The following VSIG10L variants were observed in gnomAD, a reference collection of about 807,000 sequenced individuals.
VSIG10L encodes the protein V-set and immunoglobulin domain containing 10 like, also known as V-set and immunoglobulin domain-containing protein 10-like.
In VSIG10L, 63 loss-of-function variants were observed where a neutral mutation model predicts 67.3. That is an observed-to-expected ratio of 0.94 (90% confidence interval 0.76 to 1.15). VSIG10L has a LOEUF of 1.15. Among genes scored for constraint, VSIG10L ranks in the 50% most tolerant of loss-of-function variants. VSIG10L has a pLI of 0.00. For synonymous variants in VSIG10L, 499 were observed against 524.9 expected, an observed-to-expected ratio of 0.95 and a Z score of 0.67; for missense variants, 1,050 against 1,177.5, an observed-to-expected ratio of 0.89 and a Z score of 1.58.
chr19:51,340,263 TCCGAGGAGA>T lies in VSIG10L; in HGVS notation c.1217_1225del (p.Val406_Ser408del), dbSNP rs1387863744. ...AAAGCGGGCAGGCGCGGCGTCGCGG[TCCGAGGAGA>T]CCGTGATGGTCGGCGGGTCCGGGCC... On this transcript the variant is annotated inframe_deletion, in exon 4 of 10. Transcript: ENST00000335624. The surrounding 1 kb of genome is among the most constrained non-coding windows in gnomAD (Gnocchi z 6.3). 9.9e-6 allele frequency: 15 copies of T among 1,517,284 alleles called. No homozygotes were observed. Among genetic ancestry groups the T allele is most frequent in the Non-Finnish European group, 5.3e-6 (6 of 1,139,776 alleles). 94.0% of individuals were successfully genotyped at this position (1,517,284 alleles called of 1,614,324 possible).
At position 51,341,499 on chromosome 19, in the gene VSIG10L, T is replaced by G. The variant is rs181804034; in HGVS notation, c.549A>C (p.Ala183=). 1 of 1,550,914 alleles carries G rather than the reference T, an allele frequency of 6.4e-7. No homozygotes were observed. The highest frequency in any genetic ancestry group is 2.0e-5 in the Admixed American group (1 of 50,794). The part of the protein sequence containing the change: ...SAQSPESKFS[A]ETHSAASFPQ... ...GAAAGCTTGCAGCTGAGTGGGTCTCTGCAGAAAATTTGGATTCAGGGCTCT... is the reference window on the plus strand; with the variant it reads ...GAAAGCTTGCAGCTGAGTGGGTCTCGGCAGAAAATTTGGATTCAGGGCTCT... Residue 183 remains alanine (A), a synonymous_variant, in exon 2 of 10, where the codon GCA becomes GCC. Coordinates refer to ENST00000335624, the MANE Select transcript of VSIG10L (RefSeq NM_001163922.3).
chr19:51,333,748 T>A (rs1985410688), intron 9 of VSIG10L, 43 bp downstream of exon 9: 1 of 1,500,014 alleles, frequency 6.7e-7, no homozygotes, highest in Non-Finnish European at 8.9e-7. Context: ...ATACAAGAAG[T>A]TCCGCCCCGA....
chr19:51,338,097 G>GTT lies in VSIG10L; in HGVS notation c.1840_1841insAA (p.Ala614GlufsTer75). ...TGGAGCCAGGGGCCTCCCTTCCCGG[G>GTT]CCCAGGATGCCCGTGAGGGTGGGGG... is the stretch of plus-strand genomic sequence containing the variant. On this transcript the variant is annotated frameshift_variant, in exon 6 of 10. Transcript: ENST00000335624. LOFTEE classifies it high-confidence loss of function. The GTT allele has an allele frequency of 6.4e-7, 1 of 1,551,002 alleles. No homozygotes were observed. The highest frequency in any genetic ancestry group is 8.7e-7 in the Non-Finnish European group (1 of 1,146,742).
chr19:51,338,279 C>T (rs1410813421), intron 5 of VSIG10L, 71 bp from the exon 6 acceptor site: 14 of 1,422,648 alleles, frequency 9.8e-6, no homozygotes, highest in Non-Finnish European at 1.2e-5. Context: ...ATCCTATGCC[C>T]TACTTTAAAT....
At chr19:51,333,585 G>A (rs1321065502) in intron 9 of VSIG10L, among the ~76,000 whole-genome samples, 2 of 151,828 alleles carry the variant, frequency 1.3e-5, no homozygotes, top group African/African-American at 4.8e-5. Flanking sequence ...AGAAGAAACT[G>A]GAATTCACTC....
rs1985412811 is a variant in VSIG10L at position 51,333,810 on chromosome 19, C to T, written c.2555G>A (p.Ser852Asn). The T allele has an allele frequency of 6.5e-7, 1 of 1,550,160 alleles. No homozygotes were observed. ...ACTCACTTGGTAGGCCCTAGTTGAG[C>T]TGTGGTCCTCCAGAGGGACTTTGAG... ...LDLKVPLEDH[S>N]STRAYQAQTP... The change falls in exon 9 of 10, where the codon AGC (serine) becomes AAC (asparagine). Residue 852 changes from serine to asparagine, a missense_variant. Ser to Asn is a conservative substitution (Grantham distance 46, BLOSUM62 1). Coordinates refer to ENST00000335624, the MANE Select transcript of VSIG10L (RefSeq NM_001163922.3).
chr19:51,337,669 G>T, intron 6 of VSIG10L, 135 bp from the exon 7 acceptor site: 1 of 773,868 alleles, frequency 1.3e-6, no homozygotes, highest in Admixed American at 3.1e-5. Context: ...GGAGGGGGTG[G>T]GGGCCTGGAC....
In VSIG10L at chr19:51,341,827, C is replaced by G. The variant is rs1263829745; in HGVS notation, c.221G>C (p.Gly74Ala). 1 of 1,551,424 alleles carries G rather than the reference C, an allele frequency of 6.4e-7. No homozygotes were observed. Among genetic ancestry groups the G allele is most frequent in the Non-Finnish European group, 8.7e-7 (1 of 1,146,958 alleles). Reference sequence around the variant, plus strand: ...AGGAAACCAGCTGGAATCAGAGATTCCAGCAGAGGCTTTTGAATCCAGGAA... The same window carrying G: ...AGGAAACCAGCTGGAATCAGAGATTGCAGCAGAGGCTTTTGAATCCAGGAA... The part of the protein sequence containing the change: ...DQFLDSKASA[G>A]ISDSSWFPEA... The change falls in exon 2 of 10, where the codon GGA (glycine) becomes GCA (alanine). Residue 74 changes from glycine (G) to alanine (A), a missense_variant. Around this residue, in one of 3 missense-constraint regions of VSIG10L, gnomAD observed 511 missense variants for 557.9 expected, o/e 0.92. Coordinates refer to ENST00000335624, the MANE Select transcript of VSIG10L (RefSeq NM_001163922.3).
Position 51,334,191 on chromosome 19 carries a change from C to T in VSIG10L, c.2419G>A (p.Gly807Arg). Residue 807 changes from glycine to arginine, a missense_variant and splice_region_variant, in exon 8 of 10, where the codon GGA becomes AGA. Physicochemically the swap from Gly to Arg is moderately radical, Grantham distance 125. This residue lies in a region of VSIG10L where 529 missense variants were observed against 584.9 expected (regional missense o/e 0.90). Coordinates refer to ENST00000335624, the MANE Select transcript of VSIG10L (RefSeq NM_001163922.3). The stretch of plus-strand genomic sequence containing the variant: ...CCCCTTCCCCAGTCCCCTTGCTCAC[C>T]ACGAAAGCGGCACAGGCAGCAGATG... ...LCICCLCRFR[G>R]KTPEKKKHPS... The T allele has an allele frequency of 6.4e-7, 1 of 1,551,796 alleles. No individual in the cohort carries two copies. Among genetic ancestry groups the T allele is most frequent in the Non-Finnish European group, 8.7e-7 (1 of 1,146,998 alleles).
intron 9 of VSIG10L, 135 bp from the exon 10 acceptor site, chr19:51,332,775 A>G (rs527547702): frequency 1.7e-5 from 13 of 769,062 alleles, no homozygotes; most frequent in African/African-American, 5.4e-5. Flanking sequence ...TGGAGAGGGG[A>G]AAAAAAATGC....
Position 51,332,291 on chromosome 19 carries a change from T to C in VSIG10L, c.*320A>G. 2.2e-6 allele frequency: 1 copy of C among 446,970 alleles called. No individual in the cohort carries two copies. The highest frequency in any genetic ancestry group is 4.2e-6 in the Non-Finnish European group (1 of 239,552). The allele number at this position is 446,970 out of a possible 1,614,324, so 27.7% of individuals were successfully genotyped here. A position where few individuals can be genotyped will look rare whatever the true frequency, so the allele number is the denominator to read the frequency against. On this transcript the variant is annotated 3_prime_UTR_variant, in exon 10 of 10. Coordinates refer to ENST00000335624, the MANE Select transcript of VSIG10L (RefSeq NM_001163922.3). The stretch of plus-strand genomic sequence containing the variant: ...TCAGAGAACATGGCCAAGCTCCCTC[T>C]CTAGCTCAGAGCAACACAGCAAGCC...
rs572396486 is a variant in VSIG10L, at chr19:51,333,327, G to C, written c.2574+464C>G. On this transcript the variant is annotated intron_variant, in intron 9 of 9. Transcript: ENST00000335624. ...GCGGATCACTTGAGGTTAGGAGTTC[G>C]GGACCAGCCTGCCTAACATGGTGAA... 3.3e-5 allele frequency among the ~76,000 whole-genome samples: 5 copies of C among 152,250 alleles called. No homozygotes were observed. In the Middle Eastern group the frequency reaches 0.014, roughly 414 times the overall value.
chr19:51,339,796 G>A, intron 4 of VSIG10L: 1 of 489,426 alleles, frequency 2.0e-6, no homozygotes, highest in Non-Finnish European at 3.2e-6. Context: ...CCTCTTTCTG[G>A]CCCCGCCTCT....
Position 51,341,654 on chromosome 19 carries a change from G to A in VSIG10L, c.394C>T (p.Pro132Ser). The change falls in exon 2 of 10, where the codon CCC becomes TCC. Residue 132 changes from proline to serine, a missense_variant. Transcript: ENST00000335624. ...ISDPQVPAKD[P>S]KPSFTVKTPA... Reference sequence around the variant, plus strand: ...GTCTTAACAGTGAAGGAAGGCTTGGGGTCTTTGGCAGGAACTTGAGGATCC... The same window carrying A: ...GTCTTAACAGTGAAGGAAGGCTTGGAGTCTTTGGCAGGAACTTGAGGATCC... The A allele has an allele frequency of 6.4e-7, 1 of 1,551,706 alleles. No individual in the cohort carries two copies. The highest frequency in any genetic ancestry group is 2.4e-5 in the East Asian group (1 of 40,930).
In VSIG10L at chr19:51,332,487, C is replaced by G; in HGVS notation, c.*124G>C. 1 of 1,140,444 alleles carries G rather than the reference C, an allele frequency of 8.8e-7. No individual in the cohort carries two copies. The highest frequency in any genetic ancestry group is 1.3e-5 in the South Asian group (1 of 75,588). 70.6% of individuals were successfully genotyped at this position (1,140,444 alleles called of 1,614,324 possible). On this transcript the variant is annotated 3_prime_UTR_variant, in exon 10 of 10. Transcript: ENST00000335624. ...CCACTTTCAGGGTCCAACCCTCAGTCATAGCAGGCCCTGGCTGCTGCTGGA... is the reference window on the plus strand; with the variant it reads ...CCACTTTCAGGGTCCAACCCTCAGTGATAGCAGGCCCTGGCTGCTGCTGGA...
At position 51,341,791 on chromosome 19, in the gene VSIG10L, C is replaced by T; in HGVS notation, c.257G>A (p.Ser86Asn). 6.4e-7 allele frequency: 1 copy of T among 1,551,414 alleles called. No homozygotes were observed. The highest frequency in any genetic ancestry group is 2.4e-5 in the East Asian group (1 of 40,916). Residue 86 changes from serine to asparagine, a missense_variant, in exon 2 of 10, where the codon AGT becomes AAT. Around this residue, in one of 3 missense-constraint regions of VSIG10L, gnomAD observed 511 missense variants for 557.9 expected, o/e 0.92. Transcript: ENST00000335624. ...SDSSWFPEAL[S>N]SNMSGSFWSN... Reference sequence around the variant, plus strand: ...CCAGAAGGACCCAGACATGTTGGAACTCAGGGCCTCAGGAAACCAGCTGGA... The same window carrying T: ...CCAGAAGGACCCAGACATGTTGGAATTCAGGGCCTCAGGAAACCAGCTGGA...
At chr19:51,336,639 T>G (rs1460472118) in intron 7 of VSIG10L, among the ~76,000 whole-genome samples, 1 of 152,020 alleles carries the variant, frequency 6.6e-6, no homozygotes, top group East Asian at 1.9e-4. Context: ...AGGCAGAGGT[T>G]GGAGTGATGC....
chr19:51,340,660 C>A lies in VSIG10L; in HGVS notation c.962G>T (p.Arg321Leu). 1 of 1,530,930 alleles carries A rather than the reference C, an allele frequency of 6.5e-7. No individual in the cohort carries two copies. The highest frequency in any genetic ancestry group is 1.2e-5 in the South Asian group (1 of 83,634). The allele number at this position is 1,530,930 out of a possible 1,614,324, so 94.8% of individuals were successfully genotyped here. The change falls in exon 3 of 10, where the codon CGG becomes CTG. Residue 321 changes from arginine to leucine, a missense_variant. By Grantham distance (102) the Arg-to-Leu change is moderately radical (BLOSUM62 -2). Coordinates refer to ENST00000335624, the MANE Select transcript of VSIG10L (RefSeq NM_001163922.3). The surrounding 1 kb of genome is among the most constrained non-coding windows in gnomAD (Gnocchi z 6.3). The part of the protein sequence containing the change: ...PETEEGAAEL[R>L]LRCLGWGPGR... ...TGGCCCCCACCCCAGGCAGCGCAGCCGGAGCTCGGCCGCCCCCTCCTCTGT... is the reference window on the plus strand; with the variant it reads ...TGGCCCCCACCCCAGGCAGCGCAGCAGGAGCTCGGCCGCCCCCTCCTCTGT...
intron 7 of VSIG10L, among the ~76,000 whole-genome samples, 200 bp downstream of exon 7, chr19:51,337,038 T>C (rs1288325771): frequency 6.6e-6 from 1 of 152,034 alleles, no homozygotes; most frequent in African/African-American, 2.4e-5. Flanking sequence ...AGTGCTGGGA[T>C]TACAGGCGTG....
Sources: allele counts gnomAD v4.1 joint callset (sites outside exome capture counted in the v4.1 genomes callset), GRCh38; gene constraint gnomAD v4.1.1; regional missense constraint gnomAD v4.1.1; non-coding constraint Gnocchi (gnomAD v3.1); transcripts MANE v1.5; gene names NCBI Gene and HGNC (gene_info 2026-07-23, HGNC 2026-07-21).